The following EP400 variants were observed in gnomAD, a reference collection of about 807,000 sequenced individuals.
The protein encoded by EP400 is E1A binding protein p400.
A neutral mutation model predicts 354.1 loss-of-function variants in EP400; 105 were observed. The observed-to-expected ratio is 0.30, with a 90% confidence interval of 0.25 to 0.35. The LOEUF (loss-of-function observed/expected upper bound fraction) is 0.35. Ranked by LOEUF, EP400 falls within the 10% of genes least tolerant of loss-of-function variation. The pLI is 1.00. For missense variants in EP400, 3,280 were observed against 4,121.0 expected (o/e 0.80, Z 5.59); for synonymous variants, 1,646 against 1,716.9 (o/e 0.96, Z 1.02).
intron 19 of EP400, among the ~76,000 whole-genome samples, chr12:132,016,754 C>T (rs182334350): frequency 7.9e-5 from 12 of 152,322 alleles, no homozygotes; most frequent in Admixed American, 6.5e-5. Context: ...TCCTCACGTC[C>T]GGCGTGGCAG....
At chr12:131,999,948 C>G (rs982546898) in intron 12 of EP400, among the ~76,000 whole-genome samples, 1 of 142,770 alleles carries the variant, frequency 7.0e-6, no homozygotes, top group Non-Finnish European at 1.5e-5. Flanking sequence ...TGCCTGTTTT[C>G]TTGATAGTCT....
intron 39 of EP400, among the ~76,000 whole-genome samples, chr12:132,047,331 A>G (rs557843988): frequency 6.6e-6 from 1 of 152,326 alleles, no homozygotes; most frequent in East Asian, 1.9e-4. Context: ...TTATGGAAAA[A>G]AAATTAAAGC....
intron 25 of EP400, among the ~76,000 whole-genome samples, chr12:132,026,694 G>A (rs965180877): frequency 6.6e-6 from 1 of 152,094 alleles, no homozygotes; most frequent in Admixed American, 6.5e-5. Context: ...AGCTTCAGAG[G>A]CCCCAGTACC....
At chr12:132,011,451 AC>A (rs756180951) in intron 15 of EP400, 46 bp from the exon 16 acceptor site, 1 of 1,609,490 alleles carries the variant, frequency 6.2e-7, no homozygotes, top group Admixed American at 1.7e-5. Flanking sequence ...AGGTGCCTGG[AC>A]ATGACAGATA....
chr12:131,984,596 C>T (rs573837627), intron 5 of EP400, among the ~76,000 whole-genome samples: 20 of 152,280 alleles, frequency 1.3e-4, no homozygotes, highest in East Asian at 7.7e-4. Flanking sequence ...TTCCTCACAT[C>T]GAGCCACATA....
At chr12:131,995,463 T>C (rs113225600) in intron 12 of EP400, among the ~76,000 whole-genome samples, 47 of 131,804 alleles carry the variant, frequency 3.6e-4, no homozygotes, top group Admixed American at 7.8e-4. Context: ...ACCGTTCATC[T>C]TGAGTGTGTG....
intron 30 of EP400, among the ~76,000 whole-genome samples, chr12:132,034,919 C>T (rs1037984590): frequency 1.3e-5 from 2 of 152,178 alleles, no homozygotes; most frequent in African/African-American, 4.8e-5. Context: ...GACAGGCACA[C>T]AGCTGCAGTG....
At position 131,951,744 on chromosome 12, in the gene EP400, G is replaced by GCTAATTACA. The variant is rs1891506043; in HGVS notation, c.-36+1708_-36+1709insCTAATTACA. Among the ~76,000 whole-genome samples, 9 of 151,986 alleles carry GCTAATTACA rather than the reference G, an allele frequency of 5.9e-5. No homozygotes were observed. In the South Asian group the frequency reaches 1.9e-3, roughly 32 times the overall value. ...AGCATCCCGAGTAGCTGGGATTACA[G>GCTAATTACA]GTGCCTGCCATCATGCCCAGCTAAT... On this transcript the variant is annotated intron_variant, in intron 1 of 52. Coordinates refer to ENST00000389561, the MANE Select transcript of EP400 (RefSeq NM_015409.5).
rs530571174 is a variant in EP400 at position 131,965,811 on chromosome 12, C to T, written c.1335+3857C>T. On this transcript the variant is annotated intron_variant, in intron 2 of 52. Transcript: ENST00000389561. ...TACCATTAATTTGTTCTTTTTATTGCTGAGTGCTATTCCATTGTGTGAATG... is the reference window on the plus strand; with the variant it reads ...TACCATTAATTTGTTCTTTTTATTGTTGAGTGCTATTCCATTGTGTGAATG... 9.2e-5 allele frequency among the ~76,000 whole-genome samples: 14 copies of T among 152,234 alleles called. No individual in the cohort carries two copies. The Middle Eastern group carries it at 0.01, about 111-fold the overall frequency.
Position 132,029,638 on chromosome 12 carries a change from C to T in EP400, c.5382-63C>T. Reference sequence around the variant, plus strand: ...AGAAGTCTGCCCCATCTTTCAGGAGCCCCCATGCTGGGTGAAGGTGTGTGG... The same window carrying T: ...AGAAGTCTGCCCCATCTTTCAGGAGTCCCCATGCTGGGTGAAGGTGTGTGG... On this transcript the variant is annotated intron_variant, in intron 27 of 52. Transcript: ENST00000389561. This position sits in a 1 kb window ranked among gnomAD's most constrained non-coding sequence, Gnocchi z 4.7. 1 of 1,545,710 alleles carries T rather than the reference C, an allele frequency of 6.5e-7. No homozygotes were observed. The highest frequency in any genetic ancestry group is 8.9e-7 in the Non-Finnish European group (1 of 1,128,820).
chr12:132,029,934 G>C lies in EP400; in HGVS notation c.5584+31G>C. On this transcript the variant is annotated intron_variant, in intron 28 of 52. Transcript: ENST00000389561. The surrounding 1 kb of genome is among the most constrained non-coding windows in gnomAD (Gnocchi z 4.7). ...CGGCAGTTGGGGGCGTGGCCCGTGC[G>C]GGAGCTGCACCGGCCCTGGATGATG... 6.2e-7 allele frequency: 1 copy of C among 1,611,452 alleles called. No homozygotes were observed. Among genetic ancestry groups the C allele is most frequent in the African/African-American group, 1.3e-5 (1 of 75,052 alleles).
rs1593365210 is a variant in EP400, at chr12:132,037,853, A to G, written c.6063+60A>G. On this transcript the variant is annotated intron_variant, in intron 31 of 52. Transcript: ENST00000389561. ...CCCGCCATGCGGCGCGTGGAATCGCATGGTGTTAGTGCACACTAGCAAGGG... is the reference window on the plus strand; with the variant it reads ...CCCGCCATGCGGCGCGTGGAATCGCGTGGTGTTAGTGCACACTAGCAAGGG... 6 of 1,611,694 alleles carry G rather than the reference A, an allele frequency of 3.7e-6. No homozygotes were observed. The East Asian group carries it at 1.1e-4, about 30-fold the overall frequency.
At position 132,064,706 on chromosome 12, in the gene EP400, G is replaced by A. The variant is rs1019604045; in HGVS notation, c.8373G>A (p.Met2791Ile). The stretch of plus-strand genomic sequence containing the variant: ...AAATGCAGAAGCAGAAACTGCAGAT[G>A]CCCCCGCAGCCCCCACCGCCACAGG... ...LIKMQKQKLQ[M>I]PPQPPPPQAQ... Residue 2791 changes from methionine to isoleucine, a missense_variant, in exon 48 of 53, where the codon ATG (methionine) becomes ATA (isoleucine). By Grantham distance (10) the Met-to-Ile change is conservative. Around this residue, in one of 20 missense-constraint regions of EP400, gnomAD observed 86 missense variants for 66.4 expected, o/e 1.29. Coordinates refer to ENST00000389561, the MANE Select transcript of EP400 (RefSeq NM_015409.5). 7 of 1,613,136 alleles carry A rather than the reference G, an allele frequency of 4.3e-6. No individual in the cohort carries two copies. The highest frequency in any genetic ancestry group is 1.3e-5 in the African/African-American group (1 of 74,978).
chr12:132,017,440 T>C lies in EP400; in HGVS notation c.3924-95T>C. 1 of 1,379,582 alleles carries C rather than the reference T, an allele frequency of 7.2e-7. No homozygotes were observed. Among genetic ancestry groups the C allele is most frequent in the Admixed American group, 2.1e-5 (1 of 47,736 alleles). The allele number at this position is 1,379,582 out of a possible 1,614,324, so 85.5% of individuals were successfully genotyped here. A position where few individuals can be genotyped will look rare whatever the true frequency, so the allele number is the denominator to read the frequency against. On this transcript the variant is annotated intron_variant, in intron 19 of 52. Coordinates refer to ENST00000389561, the MANE Select transcript of EP400 (RefSeq NM_015409.5). This position sits in a 1 kb window ranked among gnomAD's most constrained non-coding sequence, Gnocchi z 5.0. ...CGGACCTAGAAAATCTGCTCCTGCC[T>C]GCCTTTCTGGAGTTGGGACAGTCGA...
At chr12:132,026,612 G>A (rs1162766672) in intron 25 of EP400, among the ~76,000 whole-genome samples, 1 of 152,116 alleles carries the variant, frequency 6.6e-6, no homozygotes, top group Non-Finnish European at 1.5e-5. Flanking sequence ...CAGGCATCTT[G>A]GGGATTCCAG....
chr12:132,064,165 A>G (rs893126645), intron 47 of EP400, among the ~76,000 whole-genome samples: 4 of 151,630 alleles, frequency 2.6e-5, no homozygotes, highest in African/African-American at 9.7e-5. Context: ...GTCAACATCA[A>G]GGCTGCCACC....
At chr12:132,028,942 A>G (rs1894394709) in intron 27 of EP400, 1 of 152,544 alleles carries the variant, frequency 6.6e-6, no homozygotes, top group Non-Finnish European at 1.5e-5. Context: ...GGATCTACCT[A>G]TTTCAGTTCT....
Position 131,990,821 on chromosome 12 carries a change from G to C in EP400, c.2629+107G>C, listed in dbSNP as rs1893008956. Reference sequence around the variant, plus strand: ...CTGTGGCTTCCCACAGAGGACATCTGCTCATCAGCCAGCTGCCTGATTGTT... The same window carrying C: ...CTGTGGCTTCCCACAGAGGACATCTCCTCATCAGCCAGCTGCCTGATTGTT... On this transcript the variant is annotated intron_variant, in intron 9 of 52. Transcript: ENST00000389561. The surrounding 1 kb of genome is among the most constrained non-coding windows in gnomAD (Gnocchi z 4.2). 2 of 764,168 alleles carry C rather than the reference G, an allele frequency of 2.6e-6. No individual in the cohort carries two copies. Among genetic ancestry groups the C allele is most frequent in the Non-Finnish European group, 4.4e-6 (2 of 451,362 alleles). 47.3% of individuals were successfully genotyped at this position (764,168 alleles called of 1,614,324 possible).
chr12:132,053,028 C>A, intron 41 of EP400, 118 bp from the exon 42 acceptor site: 1 of 1,076,550 alleles, frequency 9.3e-7, no homozygotes, highest in Non-Finnish European at 1.4e-6. Context: ...GCTTTACGCC[C>A]TCATCTCTTG....
Sources: allele counts gnomAD v4.1 joint callset (sites outside exome capture counted in the v4.1 genomes callset), GRCh38; gene constraint gnomAD v4.1.1; regional missense constraint gnomAD v4.1.1; non-coding constraint Gnocchi (gnomAD v3.1); transcripts MANE v1.5; gene names NCBI Gene and HGNC (gene_info 2026-07-23, HGNC 2026-07-21).